Variants in MIB1 observed in about 807,000 individuals in gnomAD.
MIB1 encodes MIB E3 ubiquitin protein ligase 1, also known as E3 ubiquitin-protein ligase MIB1.
Under a neutral mutation model 124.5 loss-of-function variants are expected in MIB1, and 278 were observed. That is an observed-to-expected ratio of 2.23 (90% CI 2.02 to 2.47). The LOEUF (loss-of-function observed/expected upper bound fraction) is 2.47. Among genes scored for constraint, MIB1 ranks in the 30% most tolerant of loss-of-function variants. The probability of loss-of-function intolerance (pLI) is 0.00; values close to 1 mark genes in which losing one functional copy is unlikely to be tolerated. For synonymous variants in MIB1, 446 were observed against 429.4 expected (o/e 1.04, Z -0.48); for missense variants, 957 against 1,254.4 (o/e 0.76, Z 3.58).
At position 21,791,369 on chromosome 18, in the gene MIB1, T is replaced by A. The variant is rs1377634846; in HGVS notation, c.909-5T>A. ...CCATTTTGAGGTTTAGCTTTGCTCT[T>A]GTAGGTGGACCTTCAATCCTGCTGT... On this transcript the variant is annotated splice_polypyrimidine_tract_variant and splice_region_variant and intron_variant, in intron 6 of 20. Transcript: ENST00000261537. 2 of 1,602,912 alleles carry A rather than the reference T, an allele frequency of 1.2e-6. No homozygotes were observed. Among genetic ancestry groups the A allele is most frequent in the East Asian group, 2.2e-5 (1 of 44,682 alleles).
intron 7 of MIB1, among the ~76,000 whole-genome samples, chr18:21,797,321 T>A (rs1415838636): frequency 6.6e-6 from 1 of 152,150 alleles, no homozygotes; most frequent in Admixed American, 6.6e-5. Context: ...TACTTTTGTA[T>A]CTCTTGGAAA....
chr18:21,722,685 G>A (rs2040721021), intron 1 of MIB1, among the ~76,000 whole-genome samples: 1 of 152,018 alleles, frequency 6.6e-6, no homozygotes, highest in Non-Finnish European at 1.5e-5. Flanking sequence ...TTGTTTTTAT[G>A]ACCTTGACAT....
At chr18:21,817,570 A>G (rs1193982338) in intron 11 of MIB1, 2 of 280,326 alleles carry the variant, frequency 7.1e-6, no homozygotes, top group Non-Finnish European at 1.4e-5. Context: ...TAATACATAA[A>G]TGAATGGGTG....
At chr18:21,787,868 G>A (rs955129660) in intron 6 of MIB1, among the ~76,000 whole-genome samples, 5 of 151,490 alleles carry the variant, frequency 3.3e-5, no homozygotes, top group South Asian at 4.2e-4. Flanking sequence ...CCTTATCAGC[G>A]GTATAAAATT....
intron 12 of MIB1, among the ~76,000 whole-genome samples, chr18:21,823,060 G>A (rs2041893081): frequency 6.6e-6 from 1 of 151,892 alleles, no homozygotes; most frequent in African/African-American, 2.4e-5. Context: ...ATTGTGAAAT[G>A]CTGTCTCTAC....
At chr18:21,715,549 G>A (rs1446897333) in intron 1 of MIB1, among the ~76,000 whole-genome samples, 1 of 151,744 alleles carries the variant, frequency 6.6e-6, no homozygotes, top group Non-Finnish European at 1.5e-5. Flanking sequence ...AATTCAGAAG[G>A]TCACTTATTA....
At chr18:21,840,153 G>GT (rs1188248024) in intron 13 of MIB1, among the ~76,000 whole-genome samples, 2 of 152,138 alleles carry the variant, frequency 1.3e-5, no homozygotes, top group Non-Finnish European at 2.9e-5. Context: ...CATATATCCT[G>GT]TGACCTTGCT....
intron 1 of MIB1, among the ~76,000 whole-genome samples, chr18:21,726,286 C>T (rs1273750009): frequency 1.3e-5 from 2 of 152,040 alleles, no homozygotes; most frequent in African/African-American, 4.8e-5. Context: ...GGCGTGGTGG[C>T]TCACACCTGT....
At chr18:21,848,909 G>GT (rs564930457) in intron 16 of MIB1, among the ~76,000 whole-genome samples, 222 of 149,414 alleles carry the variant, frequency 1.5e-3, no homozygotes, top group South Asian at 0.012. Context: ...TTTATGCTAA[G>GT]TTTTTTTTTT....
chr18:21,842,355 A>T (rs1008246068), intron 13 of MIB1, among the ~76,000 whole-genome samples: 5 of 152,110 alleles, frequency 3.3e-5, no homozygotes, highest in East Asian at 1.9e-4. Flanking sequence ...ATTTTAAAAA[A>T]TTTTTAAATT....
chr18:21,715,011 G>A (rs2040683207), intron 1 of MIB1, among the ~76,000 whole-genome samples: 1 of 152,194 alleles, frequency 6.6e-6, no homozygotes, highest in Admixed American at 6.5e-5. Context: ...GCAGCAGTGT[G>A]TGGAGTCTCG....
chr18:21,815,291 C>A (rs2041820142), intron 10 of MIB1, among the ~76,000 whole-genome samples: 1 of 151,630 alleles, frequency 6.6e-6, no homozygotes, highest in Non-Finnish European at 1.5e-5. Flanking sequence ...GTGTCAGCCT[C>A]CCAAGTAGCT....
At chr18:21,767,560 T>C (rs2041176351) in intron 2 of MIB1, among the ~76,000 whole-genome samples, 1 of 152,062 alleles carries the variant, frequency 6.6e-6, no homozygotes, top group Non-Finnish European at 1.5e-5. Flanking sequence ...TTTTTTTTTG[T>C]TTTTTGAAAT....
chr18:21,778,760 C>T (rs995090739), intron 5 of MIB1, among the ~76,000 whole-genome samples: 1 of 151,776 alleles, frequency 6.6e-6, no homozygotes, highest in Non-Finnish European at 1.5e-5. Context: ...GCCTTTGTCG[C>T]AAAAAGTGCT....
intron 16 of MIB1, among the ~76,000 whole-genome samples, chr18:21,848,231 A>G (rs6508643): frequency 0.97 from 147,321 of 152,238 alleles, 71,498 homozygotes; most frequent in South Asian, 1. Flanking sequence ...AGGCCGAGGC[A>G]GGTGGATTGA....
intron 4 of MIB1, among the ~76,000 whole-genome samples, chr18:21,774,846 T>C (rs1414202337): frequency 1.3e-5 from 2 of 151,438 alleles, no homozygotes; most frequent in African/African-American, 2.4e-5. Flanking sequence ...AGAGTCTCGC[T>C]GTGTCTCCCA....
chr18:21,747,623 G>T (rs1266284112), intron 1 of MIB1, among the ~76,000 whole-genome samples: 1 of 152,204 alleles, frequency 6.6e-6, no homozygotes, highest in African/African-American at 2.4e-5. Flanking sequence ...GGGGAGAAGA[G>T]AAGTGTGTAC....
chr18:21,747,309 C>G (rs2040922745), intron 1 of MIB1, among the ~76,000 whole-genome samples: 1 of 152,184 alleles, frequency 6.6e-6, no homozygotes, highest in South Asian at 2.1e-4. Flanking sequence ...TTCAAGAAAT[C>G]AACTAGTAGA....
At chr18:21,784,452 A>G (rs2041410273) in intron 6 of MIB1, among the ~76,000 whole-genome samples, 1 of 152,198 alleles carries the variant, frequency 6.6e-6, no homozygotes, top group African/African-American at 2.4e-5. Flanking sequence ...CCTAGTTGCC[A>G]AGGCAAGAGA....
Sources: allele counts gnomAD v4.1 joint callset (sites outside exome capture counted in the v4.1 genomes callset), GRCh38; gene constraint gnomAD v4.1.1; transcripts MANE v1.5; gene names NCBI Gene and HGNC (gene_info 2026-07-23, HGNC 2026-07-21).